CC2D2A: variants seen among roughly 807,000 people sequenced by gnomAD.
CC2D2A encodes coiled-coil and C2 domain containing 2A.
Under a neutral mutation model 212.9 loss-of-function variants are expected in CC2D2A, and 155 were observed. The observed-to-expected ratio is 0.73, with a 90% CI of 0.64 to 0.83. CC2D2A has a LOEUF of 0.83. Ranked by LOEUF, CC2D2A falls within the 40% of genes least tolerant of loss-of-function variation. CC2D2A has a pLI of 0.00. For missense variants in CC2D2A, 1,856 were observed against 1,956.2 expected (o/e 0.95, Z 0.97); for synonymous variants, 667 against 686.5 (o/e 0.97, Z 0.44).
At chr4:15,541,559 G>T (rs551183883) in intron 17 of CC2D2A, among the ~76,000 whole-genome samples, 1 of 152,214 alleles carries the variant, frequency 6.6e-6, no homozygotes, top group East Asian at 1.9e-4. Context: ...TGGAGTGTCT[G>T]CCTTGAGATG....
chr4:15,508,391 G>A (rs760806705), intron 6 of CC2D2A, among the ~76,000 whole-genome samples: 5 of 152,084 alleles, frequency 3.3e-5, no homozygotes, highest in Non-Finnish European at 7.4e-5. Context: ...AAACTAAAAT[G>A]TTTAGTCGTA....
At chr4:15,518,987 G>A (rs753192179) in intron 11 of CC2D2A, among the ~76,000 whole-genome samples, 3 of 152,126 alleles carry the variant, frequency 2.0e-5, no homozygotes, top group Non-Finnish European at 2.9e-5. Context: ...ATAAACATTC[G>A]GCTCCATGTT....
chr4:15,533,240 T>A lies in CC2D2A; in HGVS notation c.1514T>A (p.Leu505Ter). The change falls in exon 14 of 37, where the codon TTG becomes TAG. Residue 505 changes from leucine (L) to a stop codon, truncating the protein, a stop_gained. Coordinates refer to ENST00000424120, the MANE Select transcript of CC2D2A (RefSeq NM_001378615.1). LOFTEE classifies it high-confidence loss of function. ...GCTGAACAAGAAAAAGATAGAACAT[T>A]GCTTAAGACTATCATAAAAGTTTGG... ...RDAEQEKDRT[L>*]LKTIIKVWKE... 6.3e-7 allele frequency: 1 copy of A among 1,598,130 alleles called. No homozygotes were observed. Among genetic ancestry groups the A allele is most frequent in the Non-Finnish European group, 8.5e-7 (1 of 1,175,422 alleles).
At chr4:15,526,931 C>T (rs923912581) in intron 11 of CC2D2A, among the ~76,000 whole-genome samples, 1 of 152,210 alleles carries the variant, frequency 6.6e-6, no homozygotes, top group Non-Finnish European at 1.5e-5. Context: ...CAACATCCCT[C>T]CTCCCCATGA....
intron 8 of CC2D2A, among the ~76,000 whole-genome samples, chr4:15,512,905 T>C (rs1277797180): frequency 6.6e-6 from 1 of 151,420 alleles, no homozygotes; most frequent in African/African-American, 2.4e-5. Flanking sequence ...TGAGCCGAGA[T>C]TGCGCTATTG....
intron 2 of CC2D2A, among the ~76,000 whole-genome samples, chr4:15,476,731 TA>T (rs1714241732): frequency 6.6e-6 from 1 of 152,224 alleles, no homozygotes; most frequent in African/African-American, 2.4e-5. Context: ...AGACACCTGC[TA>T]ATACAAGCCT....
intron 11 of CC2D2A, 57 bp from the exon 12 acceptor site, chr4:15,527,390 T>C: frequency 1.5e-6 from 2 of 1,297,504 alleles, no homozygotes; most frequent in Non-Finnish European, 2.2e-6. Flanking sequence ...GATTAGAGAA[T>C]CATTATCTAG....
intron 4 of CC2D2A, among the ~76,000 whole-genome samples, chr4:15,500,954 G>T (rs1483159522): frequency 6.6e-6 from 1 of 152,092 alleles, no homozygotes; most frequent in Non-Finnish European, 1.5e-5. Flanking sequence ...TTGGTGTCCT[G>T]GACAAGCACC....
intron 33 of CC2D2A, among the ~76,000 whole-genome samples, chr4:15,594,225 A>T (rs1204082623): frequency 6.6e-6 from 1 of 152,096 alleles, no homozygotes; most frequent in Non-Finnish European, 1.5e-5. Context: ...CACTTCTTGC[A>T]TTTCTGATGA....
chr4:15,527,370 T>C (rs1359013053), intron 11 of CC2D2A, 77 bp from the exon 12 acceptor site: 1 of 1,088,008 alleles, frequency 9.2e-7, no homozygotes, highest in African/African-American at 1.5e-5. Flanking sequence ...CTGACCGTTT[T>C]CCCATTGTGG....
At chr4:15,551,233 G>A (rs1019764103) in intron 18 of CC2D2A, among the ~76,000 whole-genome samples, 1 of 152,162 alleles carries the variant, frequency 6.6e-6, no homozygotes, top group Non-Finnish European at 1.5e-5. Flanking sequence ...ATGACCTTTG[G>A]TGCCTTACTT....
chr4:15,471,617 A>C (rs1294451586), intron 1 of CC2D2A, among the ~76,000 whole-genome samples: 8 of 144,398 alleles, frequency 5.5e-5, no homozygotes, highest in African/African-American at 1.7e-4. Flanking sequence ...GTATGATTGC[A>C]ATGTTGCAGA....
chr4:15,530,085 C>T (rs1007891363), intron 13 of CC2D2A, among the ~76,000 whole-genome samples: 1 of 151,738 alleles, frequency 6.6e-6, no homozygotes, highest in African/African-American at 2.4e-5. Context: ...CATTCTCCCG[C>T]CTCAGCCTCC....
chr4:15,577,126 G>A (rs929697703), intron 29 of CC2D2A, among the ~76,000 whole-genome samples: 26 of 151,946 alleles, frequency 1.7e-4, no homozygotes, highest in Non-Finnish European at 3.4e-4. Flanking sequence ...CCCAAGTACT[G>A]GGACCACAGG....
chr4:15,562,769 G>A (rs906841058), intron 23 of CC2D2A, among the ~76,000 whole-genome samples: 1 of 152,258 alleles, frequency 6.6e-6, no homozygotes, highest in South Asian at 2.1e-4. Context: ...AGGGCAAAGA[G>A]TGGAGCCAGG....
At chr4:15,596,369 T>C (rs571180921) in intron 34 of CC2D2A, among the ~76,000 whole-genome samples, 162 bp downstream of exon 34, 2 of 152,338 alleles carry the variant, frequency 1.3e-5, no homozygotes, top group Admixed American at 1.3e-4. Context: ...TACGTTTACA[T>C]ATATGTGAAA....
intron 8 of CC2D2A, 58 bp from the exon 9 acceptor site, chr4:15,514,649 T>C (rs1020379783): frequency 7.5e-7 from 1 of 1,337,930 alleles, no homozygotes; most frequent in African/African-American, 1.5e-5. Context: ...TTGTGAATTA[T>C]TTTTCTAACT....
At position 15,540,836 on chromosome 4, in the gene CC2D2A, G is replaced by A. The variant is rs1484983836; in HGVS notation, c.2004-1G>A. The A allele has an allele frequency of 1.9e-6, 3 of 1,595,492 alleles. No individual in the cohort carries two copies. ...CACCTGTGAATGGTCTCCTTTTGCA[G>A]AGCGGAGGTCTCGAGAAGGGAGGAT... On this transcript the variant is annotated splice_acceptor_variant, in intron 16 of 36. Coordinates refer to ENST00000424120, the MANE Select transcript of CC2D2A (RefSeq NM_001378615.1). LOFTEE classifies it high-confidence loss of function.
chr4:15,545,492 A>C (rs1718664396), intron 17 of CC2D2A, among the ~76,000 whole-genome samples: 1 of 152,166 alleles, frequency 6.6e-6, no homozygotes, highest in Non-Finnish European at 1.5e-5. Context: ...AGAGCTACAA[A>C]GAATCAATAC....
Sources: allele counts gnomAD v4.1 joint callset (sites outside exome capture counted in the v4.1 genomes callset), GRCh38; gene constraint gnomAD v4.1.1; transcripts MANE v1.5; gene names NCBI Gene and HGNC (gene_info 2026-07-23, HGNC 2026-07-21).